Variants in WDFY4 observed in about 807,000 individuals in gnomAD.
WDFY4 encodes the protein WD repeat- and FYVE domain-containing protein 4.
A neutral mutation model predicts 351.9 loss-of-function variants in WDFY4; 169 were observed. The ratio of observed to expected loss-of-function variants is 0.48; its 90% CI spans 0.42 to 0.55. WDFY4 has a LOEUF of 0.55. Ranked by LOEUF, WDFY4 falls within the 20% of genes least tolerant of loss-of-function variation. The probability of loss-of-function intolerance (pLI) is 0.00; values close to 1 mark genes in which losing one functional copy is unlikely to be tolerated. For missense variants in WDFY4, 3,803 were observed against 3,935.6 expected, an observed-to-expected ratio of 0.97 and a Z score of 0.90; for synonymous variants, 1,622 against 1,574.6, an observed-to-expected ratio of 1.03 and a Z score of -0.71.
At chr10:48,743,900 C>T (rs988381648) in intron 12 of WDFY4, among the ~76,000 whole-genome samples, 3 of 152,106 alleles carry the variant, frequency 2.0e-5, no homozygotes, top group African/African-American at 7.2e-5. Flanking sequence ...CAGGCAGCCT[C>T]GGTCTTCTCA....
At chr10:48,910,081 A>C (rs1837860620) in intron 47 of WDFY4, 1 of 675,180 alleles carries the variant, frequency 1.5e-6, no homozygotes, top group African/African-American at 1.8e-5. Context: ...GGTGAAGTGA[A>C]TTTGAGAAGC....
Position 48,787,906 on chromosome 10 carries a change from C to T in WDFY4, c.3809-624C>T, listed in dbSNP as rs2066505516. Among the ~76,000 whole-genome samples the T allele has an allele frequency of 8.7e-4, 28 of 32,324 alleles. 2 individuals are homozygous for T. The highest frequency in any genetic ancestry group is 4.3e-3 in the African/African-American group (26 of 6,012). The allele number at this position is 32,324 out of a possible 152,430, so 21.2% of individuals were successfully genotyped here. ...TCTTCTTCTTCTCCTTCTTCTTCTT[C>T]TTCTTCTTCTTCTTCTTCTTCTTCT... On this transcript the variant is annotated intron_variant, in intron 20 of 61. Transcript: ENST00000325239.
chr10:48,726,614 G>A (rs7910542), intron 6 of WDFY4, among the ~76,000 whole-genome samples: 72,813 of 152,018 alleles, frequency 0.48, 17,678 homozygotes, highest in Admixed American at 0.53. Flanking sequence ...CTCTGTCCTC[G>A]TAGCTGAGTG....
chr10:48,817,453 A>G, intron 32 of WDFY4, 44 bp downstream of exon 32: 6 of 1,505,928 alleles, frequency 4.0e-6, no homozygotes, highest in Non-Finnish European at 5.4e-6. Flanking sequence ...AGTTGTGAGC[A>G]TCATCATCCT....
chr10:48,787,919 TTCTTCTTC>T (rs2066513386), intron 20 of WDFY4, among the ~76,000 whole-genome samples: 5 of 66,810 alleles, frequency 7.5e-5, no homozygotes, highest in African/African-American at 2.1e-4. Context: ...CTTCTTCTTC[TTCTTCTTC>T]TTCTTCTTCT....
chr10:48,780,495 G>C (rs1175668586), intron 19 of WDFY4, among the ~76,000 whole-genome samples: 2 of 152,222 alleles, frequency 1.3e-5, no homozygotes, highest in Non-Finnish European at 2.9e-5. Flanking sequence ...TTTCCAAGAA[G>C]CTCCCAGGTG....
chr10:48,897,670 T>C, intron 45 of WDFY4, 96 bp downstream of exon 45: 2 of 1,484,732 alleles, frequency 1.3e-6, no homozygotes, highest in South Asian at 1.3e-5. Flanking sequence ...CCTCTGTGAC[T>C]CTTCTTTGTG....
At position 48,725,972 on chromosome 10, in the gene WDFY4, T is replaced by G; in HGVS notation, c.683T>G (p.Leu228Arg). 1 of 1,551,768 alleles carries G rather than the reference T, an allele frequency of 6.4e-7. No homozygotes were observed. The highest frequency in any genetic ancestry group is 2.4e-5 in the East Asian group (1 of 40,926). The change falls in exon 6 of 62, where the codon CTT (leucine) becomes CGT (arginine). Residue 228 changes from leucine (L) to arginine (R), a missense_variant. Physicochemically the swap from Leu to Arg is moderately radical, Grantham distance 102 (BLOSUM62 -2). Around this residue, in one of 3 missense-constraint regions of WDFY4, gnomAD observed 488 missense variants for 456.8 expected, o/e 1.07. Transcript: ENST00000325239. ...TCTCTGCTGATTGCCACGACCTGCCTTCGGGAGCACAGCTGCTGCTTCTGG... is the reference window on the plus strand; with the variant it reads ...TCTCTGCTGATTGCCACGACCTGCCGTCGGGAGCACAGCTGCTGCTTCTGG... Reference protein sequence around the residue: ...LQSLLIATTCLREHSCCFWKE... With the variant: ...LQSLLIATTCRREHSCCFWKE...
At chr10:48,977,382 C>A (rs1249631132) in intron 59 of WDFY4, among the ~76,000 whole-genome samples, 1 of 152,136 alleles carries the variant, frequency 6.6e-6, no homozygotes, top group African/African-American at 2.4e-5. Context: ...CTCATCTACC[C>A]ACCCATCCAT....
intron 54 of WDFY4, among the ~76,000 whole-genome samples, chr10:48,965,340 C>T (rs1842029437): frequency 6.6e-6 from 1 of 152,122 alleles, no homozygotes; most frequent in Admixed American, 6.5e-5. Flanking sequence ...CCCAAGTGTC[C>T]CAGTCTGAAG....
At chr10:48,803,784 G>T (rs1166350548) in intron 25 of WDFY4, among the ~76,000 whole-genome samples, 1 of 152,208 alleles carries the variant, frequency 6.6e-6, no homozygotes, top group Non-Finnish European at 1.5e-5. Flanking sequence ...AGGAAGAAAA[G>T]ACCAGTAAAG....
intron 47 of WDFY4, among the ~76,000 whole-genome samples, chr10:48,934,119 G>A (rs187992555): frequency 2.0e-5 from 3 of 152,296 alleles, no homozygotes; most frequent in Non-Finnish European, 4.4e-5. Flanking sequence ...CCTCCTAGAC[G>A]TGTGACTTTG....
chr10:48,809,661 TCAC>T (rs1480391781), intron 28 of WDFY4, among the ~76,000 whole-genome samples: 7 of 152,064 alleles, frequency 4.6e-5, no homozygotes, highest in African/African-American at 1.7e-4. Flanking sequence ...TTAATCACTA[TCAC>T]CACCACCACC....
At position 48,786,512 on chromosome 10, in the gene WDFY4, G is replaced by GA. The variant is rs1555009668; in HGVS notation, c.3577-127_3577-126insA. The GA allele has an allele frequency of 3.7e-5, 27 of 735,980 alleles. No individual in the cohort carries two copies. In the African/African-American group the frequency reaches 4.9e-4, roughly 13 times the overall value. The allele number at this position is 735,980 out of a possible 1,614,324, so 45.6% of individuals were successfully genotyped here. A position where few individuals can be genotyped will look rare whatever the true frequency, so the allele number is the denominator to read the frequency against. On this transcript the variant is annotated intron_variant, in intron 19 of 61. Coordinates refer to ENST00000325239, the MANE Select transcript of WDFY4 (RefSeq NM_001394531.1). ...TCTGAGATTTGAGAATTATATTTTA[G>GA]TTTTTTAGATAAAATACATTTTTAC...
intron 47 of WDFY4, among the ~76,000 whole-genome samples, chr10:48,931,096 AACACAC>A (rs10598078): frequency 0.011 from 1,607 of 150,340 alleles, 33 homozygotes; most frequent in African/African-American, 0.036. Context: ...CTCACACTCA[AACACAC>A]ACACACACAC....
rs568820895 is a variant in WDFY4 at position 48,981,435 on chromosome 10, C to T, written c.9445C>T (p.Pro3149Ser). The T allele has an allele frequency of 6.4e-7, 1 of 1,551,732 alleles. No individual in the cohort carries two copies. Among genetic ancestry groups the T allele is most frequent in the African/African-American group, 1.4e-5 (1 of 73,170 alleles). The change falls in exon 61 of 62, where the codon CCC (proline) becomes TCC (serine). Residue 3149 changes from proline to serine, a missense_variant. Around this residue, in one of 3 missense-constraint regions of WDFY4, gnomAD observed 3,054 missense variants for 3,148.6 expected, o/e 0.97. Transcript: ENST00000325239. ...CGTTAGCATTGCTTTGACAGGGAAG[C>T]CCAGCAAAACCAGCCCCGCAGTGAC... Reference protein sequence around the residue: ...LDVSIALTGKPSKTSPAVTAL... With the variant: ...LDVSIALTGKSSKTSPAVTAL...
chr10:48,893,720 C>T (rs984734479), intron 44 of WDFY4, among the ~76,000 whole-genome samples: 6 of 152,200 alleles, frequency 3.9e-5, no homozygotes, highest in African/African-American at 1.4e-4. Flanking sequence ...AGTCAGGTAA[C>T]TTCAAATGTG....
At chr10:48,903,024 C>T (rs1837436879) in intron 47 of WDFY4, among the ~76,000 whole-genome samples, 1 of 152,020 alleles carries the variant, frequency 6.6e-6, no homozygotes, top group African/African-American at 2.4e-5. Flanking sequence ...GTGGGAGAAT[C>T]GCTTGAACCC....
chr10:48,850,326 C>T (rs2068915647), intron 39 of WDFY4, among the ~76,000 whole-genome samples: 1 of 152,174 alleles, frequency 6.6e-6, no homozygotes, highest in African/African-American at 2.4e-5. Flanking sequence ...GTCTCTTCTT[C>T]TGTATTTATT....
Sources: allele counts gnomAD v4.1 joint callset (sites outside exome capture counted in the v4.1 genomes callset), GRCh38; gene constraint gnomAD v4.1.1; regional missense constraint gnomAD v4.1.1; transcripts MANE v1.5; gene names NCBI Gene and HGNC (gene_info 2026-07-23, HGNC 2026-07-21).